The following CNTN6 variants were observed in gnomAD, a reference collection of about 807,000 sequenced individuals.
The protein encoded by CNTN6 is contactin-6.
CNTN6 carries 137 observed loss-of-function variants against 122.8 expected under a neutral mutation model. That is an observed-to-expected ratio of 1.12 (90% CI 0.97 to 1.29). The LOEUF is 1.29. Ranked by LOEUF, CNTN6 falls within the 50% of genes most tolerant of loss-of-function variation. The probability of loss-of-function intolerance (pLI) is 0.00; values close to 1 mark genes in which losing one functional copy is unlikely to be tolerated. For missense variants in CNTN6, 1,634 were observed against 1,223.4 expected (o/e 1.34, Z -5.01); for synonymous variants, 570 against 426.0 (o/e 1.34, Z -4.16).
At chr3:1,287,504 T>A (rs1301595153) in intron 5 of CNTN6, among the ~76,000 whole-genome samples, 1 of 152,174 alleles carries the variant, frequency 6.6e-6, no homozygotes, top group Non-Finnish European at 1.5e-5. Flanking sequence ...TATATTTGTA[T>A]CCTATGACTT....
chr3:1,241,843 T>A (rs2094489739), intron 4 of CNTN6, among the ~76,000 whole-genome samples: 1 of 152,074 alleles, frequency 6.6e-6, no homozygotes, highest in Non-Finnish European at 1.5e-5. Context: ...ACTGATAAAG[T>A]TTGTGATTTT....
intron 12 of CNTN6, among the ~76,000 whole-genome samples, chr3:1,358,483 T>G (rs1389093647): frequency 6.6e-6 from 1 of 151,228 alleles, no homozygotes; most frequent in Non-Finnish European, 1.5e-5. Context: ...AGGAATAAAC[T>G]ATGTCATTAA....
At position 1,402,483 on chromosome 3, in the gene CNTN6, T is replaced by A. The variant is rs139391275; in HGVS notation, c.2983T>A (p.Ser995Thr). Residue 995 changes from serine (S) to threonine (T), a missense_variant, in exon 22 of 23, where the codon TCA becomes ACA. Coordinates refer to ENST00000446702, the MANE Select transcript of CNTN6 (RefSeq NM_001289080.2). ...SSEEIRIPKM[S>T]SLSSRGIQFL... ...TGAGGAAATTAGGATTCCAAAAATG[T>A]CAAGTAAGTTGAGTCACCATTGCTG... The A allele has an allele frequency of 1.5e-4, 234 of 1,606,002 alleles. No homozygotes were observed. Among genetic ancestry groups the A allele is most frequent in the Non-Finnish European group, 1.8e-4 (214 of 1,174,490 alleles).
intron 12 of CNTN6, among the ~76,000 whole-genome samples, chr3:1,352,845 T>C (rs1323294239): frequency 1.3e-5 from 2 of 151,784 alleles, no homozygotes; most frequent in Non-Finnish European, 2.9e-5. Context: ...GGCTACCAAA[T>C]ACATAACTGG....
chr3:1,309,730 C>G (rs575782886), intron 7 of CNTN6, among the ~76,000 whole-genome samples: 40 of 152,288 alleles, frequency 2.6e-4, no homozygotes, highest in African/African-American at 8.9e-4. Context: ...GAAGACTTGA[C>G]ACACTGACAG....
At chr3:1,099,346 G>A (rs1026361496) in intron 1 of CNTN6, among the ~76,000 whole-genome samples, 1 of 151,920 alleles carries the variant, frequency 6.6e-6, no homozygotes, top group Non-Finnish European at 1.5e-5. Flanking sequence ...AGCTACTGGG[G>A]AGGCTGAGGC....
rs958375071 is a variant in CNTN6 at position 1,403,501 on chromosome 3, G to C, written c.*83G>C. The C allele has an allele frequency of 1.4e-5, 11 of 760,950 alleles. No homozygotes were observed. Among genetic ancestry groups the C allele is most frequent in the Middle Eastern group, 2.4e-4 (1 of 4,176 alleles). The allele number at this position is 760,950 out of a possible 1,614,324, so 47.1% of individuals were successfully genotyped here. A position where few individuals can be genotyped will look rare whatever the true frequency, so the allele number is the denominator to read the frequency against. ...CTCTCCAGCCTCTGACACAAGATGC[G>C]TTCTTAATACAGACTTGTTTGCAAA... is the stretch of plus-strand genomic sequence containing the variant. On this transcript the variant is annotated 3_prime_UTR_variant, in exon 23 of 23. Transcript: ENST00000446702.
At chr3:1,339,128 T>A (rs546851278) in intron 11 of CNTN6, among the ~76,000 whole-genome samples, 236 of 152,200 alleles carry the variant, frequency 1.6e-3, no homozygotes, top group Non-Finnish European at 2.3e-3. Flanking sequence ...TAGAACTTTT[T>A]AAATTTTTTT....
chr3:1,159,198 G>C (rs1300138204), intron 2 of CNTN6, among the ~76,000 whole-genome samples: 2 of 151,882 alleles, frequency 1.3e-5, no homozygotes, highest in East Asian at 3.9e-4. Flanking sequence ...TATTCATGGA[G>C]GATATGTGCC....
chr3:1,163,930 G>T (rs1017163981), intron 2 of CNTN6, among the ~76,000 whole-genome samples: 1 of 152,190 alleles, frequency 6.6e-6, no homozygotes, highest in Non-Finnish European at 1.5e-5. Flanking sequence ...AAACATTGAA[G>T]AGCAGGGGAA....
At chr3:1,100,903 T>C (rs2090855829) in intron 1 of CNTN6, among the ~76,000 whole-genome samples, 2 of 152,194 alleles carry the variant, frequency 1.3e-5, no homozygotes, top group African/African-American at 4.8e-5. Flanking sequence ...AATTTCTTTA[T>C]TACTTATGTC....
chr3:1,370,304 C>T (rs1708830977), intron 12 of CNTN6, among the ~76,000 whole-genome samples: 1 of 151,658 alleles, frequency 6.6e-6, no homozygotes, highest in Non-Finnish European at 1.5e-5. Flanking sequence ...ACAATGAGAA[C>T]ACATGGACAC....
chr3:1,380,722 G>GT lies in CNTN6; in HGVS notation c.2167-2219dup, dbSNP rs531547934. Among the ~76,000 whole-genome samples, 5 of 152,314 alleles carry GT rather than the reference G, an allele frequency of 3.3e-5. No individual in the cohort carries two copies. The East Asian group carries it at 7.7e-4, about 24-fold the overall frequency. On this transcript the variant is annotated intron_variant, in intron 17 of 22. Coordinates refer to ENST00000446702, the MANE Select transcript of CNTN6 (RefSeq NM_001289080.2). The stretch of plus-strand genomic sequence containing the variant: ...ACATACCACTTACAAACATATAGGT[G>GT]TGGGTGTGTCTCAAAACCTTTATTT...
rs113794927 is a variant in CNTN6 at position 1,122,629 on chromosome 3, C to G, written c.-82-25298C>G. The stretch of plus-strand genomic sequence containing the variant: ...CTCCCTTTCACTTTCCAGGCCGCAA[C>G]AACTACCAATCTGTCCTCTGCCTAT... On this transcript the variant is annotated intron_variant, in intron 1 of 22. Coordinates refer to ENST00000446702, the MANE Select transcript of CNTN6 (RefSeq NM_001289080.2). 6.6e-5 allele frequency among the ~76,000 whole-genome samples: 10 copies of G among 151,898 alleles called. 2 individuals are homozygous for G. The highest frequency in any genetic ancestry group is 2.4e-4 in the African/African-American group (10 of 41,516).
At chr3:1,191,574 T>C (rs1681462571) in intron 2 of CNTN6, among the ~76,000 whole-genome samples, 2 of 152,188 alleles carry the variant, frequency 1.3e-5, no homozygotes, top group African/African-American at 4.8e-5. Context: ...TTTATTCGTA[T>C]CTTTGTAAAA....
chr3:1,264,696 G>A (rs2094899414), intron 4 of CNTN6, among the ~76,000 whole-genome samples: 4 of 151,990 alleles, frequency 2.6e-5, no homozygotes, highest in Admixed American at 2.6e-4. Context: ...CCACATACTT[G>A]TCATTTTTTG....
At chr3:1,278,669 T>C (rs1176750924) in intron 5 of CNTN6, among the ~76,000 whole-genome samples, 161 bp downstream of exon 5, 1 of 152,178 alleles carries the variant, frequency 6.6e-6, no homozygotes, top group East Asian at 1.9e-4. Flanking sequence ...TATCTAAACA[T>C]TTTCTTTTAA....
In CNTN6 at chr3:1,372,361, C is replaced by T. The variant is rs1258748357; in HGVS notation, c.1555C>T (p.Leu519=). The stretch of plus-strand genomic sequence containing the variant: ...TGTTACAGTTGGCGAGAGTATAGTG[C>T]TACCATGCCAGGTGTCCCATGACCC... ...MDVTVGESIV[L]PCQVSHDPSI... Residue 519 remains leucine, a synonymous_variant, in exon 13 of 23, where the codon CTA becomes TTA. Coordinates refer to ENST00000446702, the MANE Select transcript of CNTN6 (RefSeq NM_001289080.2). 2.5e-6 allele frequency: 4 copies of T among 1,613,378 alleles called. No individual in the cohort carries two copies. Among genetic ancestry groups the T allele is most frequent in the Non-Finnish European group, 3.4e-6 (4 of 1,179,612 alleles).
intron 12 of CNTN6, among the ~76,000 whole-genome samples, chr3:1,359,245 A>G (rs574024219): frequency 6.6e-6 from 1 of 152,222 alleles, no homozygotes; most frequent in Non-Finnish European, 1.5e-5. Flanking sequence ...GTCATATCTA[A>G]TTTATTACAC....
Sources: gnomAD v4.1 joint callset for allele counts (sites outside exome capture counted in the v4.1 genomes callset) on GRCh38, gnomAD v4.1.1 for gene constraint, MANE v1.5 for transcripts, NCBI Gene and HGNC (gene_info 2026-07-23, HGNC 2026-07-21) for gene names.